Variants in SH3RF3 observed in about 807,000 individuals in gnomAD.
The protein encoded by SH3RF3 is SH3 domain containing ring finger 3.
SH3RF3 carries 29 observed loss-of-function variants against 66.3 expected under a neutral mutation model. The observed-to-expected ratio is 0.44, with a 90% confidence interval of 0.33 to 0.60. The LOEUF is 0.60. SH3RF3 is among the 20% of genes least tolerant of loss of function. SH3RF3 has a pLI of 0.04. For synonymous variants in SH3RF3, 583 were observed against 532.0 expected, an observed-to-expected ratio of 1.10 and a Z score of -1.32; for missense variants, 1,194 against 1,190.9, an observed-to-expected ratio of 1.00 and a Z score of -0.04.
intron 1 of SH3RF3, among the ~76,000 whole-genome samples, chr2:109,232,881 G>A (rs1266504095): frequency 6.6e-6 from 1 of 152,076 alleles, no homozygotes; most frequent in African/African-American, 2.4e-5. Flanking sequence ...ACACTTTTTG[G>A]TTTACAGTTC....
intron 4 of SH3RF3, among the ~76,000 whole-genome samples, chr2:109,416,020 G>A (rs1182537530): frequency 1.3e-5 from 2 of 152,164 alleles, no homozygotes; most frequent in East Asian, 1.9e-4. Context: ...CTCGTCATGT[G>A]ATGCTCTGCA....
intron 1 of SH3RF3, among the ~76,000 whole-genome samples, chr2:109,160,754 G>A (rs1388381378): frequency 1.3e-5 from 2 of 152,194 alleles, no homozygotes; most frequent in African/African-American, 4.8e-5. Flanking sequence ...GGAAGGGTTT[G>A]GGGACTGGCT....
At chr2:109,263,460 G>A (rs1455402073) in intron 1 of SH3RF3, among the ~76,000 whole-genome samples, 1 of 152,220 alleles carries the variant, frequency 6.6e-6, no homozygotes, top group Non-Finnish European at 1.5e-5. Context: ...TAATGAAATA[G>A]TAGCTAGAAT....
chr2:109,484,520 A>AT (rs1363004791), intron 8 of SH3RF3, among the ~76,000 whole-genome samples: 2 of 151,834 alleles, frequency 1.3e-5, no homozygotes, highest in African/African-American at 4.8e-5. Flanking sequence ...CATTATCCCT[A>AT]TATCAGCCCA....
In SH3RF3 at chr2:109,129,976, G is replaced by T. The variant is rs1379060178; in HGVS notation, c.436G>T (p.Ala146Ser). Residue 146 changes from alanine (A) to serine (S), a missense_variant, in exon 1 of 10, where the codon GCC (alanine) becomes TCC (serine). Ala to Ser is a moderately conservative substitution (Grantham distance 99). Transcript: ENST00000309415. ...PARPIPGQSA[A>S]PTLAGGGGGA... ...GCGTCCCATCCCAGGCCAGAGTGCG[G>T]CCCCCACGCTCGCGGGCGGCGGGGG... 2 of 1,323,208 alleles carry T rather than the reference G, an allele frequency of 1.5e-6. No homozygotes were observed. The highest frequency in any genetic ancestry group is 4.1e-5 in the Admixed American group (1 of 24,674). The allele number at this position is 1,323,208 out of a possible 1,614,324, so 82.0% of individuals were successfully genotyped here. A position where few individuals can be genotyped will look rare whatever the true frequency, so the allele number is the denominator to read the frequency against.
chr2:109,162,750 G>A (rs914590441), intron 1 of SH3RF3, among the ~76,000 whole-genome samples: 2 of 152,202 alleles, frequency 1.3e-5, no homozygotes, highest in Non-Finnish European at 2.9e-5. Context: ...CCAATAATGG[G>A]ATGGCTGGGT....
chr2:109,207,238 C>T (rs1678861983), intron 1 of SH3RF3, among the ~76,000 whole-genome samples: 1 of 152,170 alleles, frequency 6.6e-6, no homozygotes, highest in Admixed American at 6.5e-5. Context: ...TTATGAGTTA[C>T]AATTATTATT....
intron 1 of SH3RF3, among the ~76,000 whole-genome samples, chr2:109,268,432 C>T (rs1424940295): frequency 1.3e-5 from 2 of 152,102 alleles, no homozygotes; most frequent in East Asian, 3.9e-4. Flanking sequence ...CTCTCCCATC[C>T]TGTCCTGTCC....
chr2:109,251,774 CAAAA>C (rs1371278188), intron 1 of SH3RF3: 3 of 525,910 alleles, frequency 5.7e-6, no homozygotes, highest in Admixed American at 3.2e-5. Flanking sequence ...TTGTAATAGT[CAAAA>C]AAAGAATTAG....
intron 8 of SH3RF3, among the ~76,000 whole-genome samples, chr2:109,485,346 GTAT>G (rs1678942302): frequency 6.6e-6 from 1 of 152,220 alleles, no homozygotes; most frequent in Non-Finnish European, 1.5e-5. Flanking sequence ...GAAATGACTT[GTAT>G]CTCTGTTTAA....
intron 8 of SH3RF3, among the ~76,000 whole-genome samples, chr2:109,453,750 G>A (rs1019193882): frequency 6.6e-6 from 1 of 152,246 alleles, no homozygotes; most frequent in Non-Finnish European, 1.5e-5. Flanking sequence ...GTAAACAGGC[G>A]ATTGATTGCA....
At chr2:109,200,662 T>C (rs1381163465) in intron 1 of SH3RF3, among the ~76,000 whole-genome samples, 1 of 152,178 alleles carries the variant, frequency 6.6e-6, no homozygotes, top group African/African-American at 2.4e-5. Context: ...CTGGCCAAGC[T>C]GGAGGCCTCT....
rs541726375 is a variant in SH3RF3, at chr2:109,151,590, T to C, written c.573+21477T>C. 6.6e-4 allele frequency among the ~76,000 whole-genome samples: 100 copies of C among 152,358 alleles called. 1 individual carries two copies. The Middle Eastern group carries it at 0.024, about 36-fold the overall frequency. On this transcript the variant is annotated intron_variant, in intron 1 of 9. Transcript: ENST00000309415. ...GGCATGTAGTTACTATGAAAACTTATTAATTTGCATCCTTTCATCCATGCT... is the reference window on the plus strand; with the variant it reads ...GGCATGTAGTTACTATGAAAACTTACTAATTTGCATCCTTTCATCCATGCT...
chr2:109,247,348 C>T (rs534400853), intron 1 of SH3RF3, among the ~76,000 whole-genome samples: 1 of 152,174 alleles, frequency 6.6e-6, no homozygotes. Flanking sequence ...CCCTGAACTT[C>T]GTTAGTTTCT....
chr2:109,325,331 CTTTTTTTTTTTTT>C (rs11298946), intron 1 of SH3RF3, among the ~76,000 whole-genome samples: 5 of 66,272 alleles, frequency 7.5e-5, no homozygotes, highest in Middle Eastern at 0.012. Context: ...TTCTTTCTTT[CTTTTTTTTTTTTT>C]TTTTTTTTTT....
chr2:109,207,055 C>T (rs577389860), intron 1 of SH3RF3, among the ~76,000 whole-genome samples: 183 of 152,220 alleles, frequency 1.2e-3, no homozygotes, highest in South Asian at 5.8e-3. Context: ...TGACCATGCT[C>T]ATTTGGAGGA....
chr2:109,386,143 G>A (rs1242285581), intron 3 of SH3RF3, among the ~76,000 whole-genome samples: 1 of 152,216 alleles, frequency 6.6e-6, no homozygotes, highest in Non-Finnish European at 1.5e-5. Flanking sequence ...AGAGGGTCAA[G>A]GCTGCAAAGC....
intron 1 of SH3RF3, among the ~76,000 whole-genome samples, chr2:109,155,158 T>G: frequency 6.6e-6 from 1 of 152,202 alleles, no homozygotes; most frequent in South Asian, 2.1e-4. Context: ...TTCGGTGGTG[T>G]TCGGCATTTT....
chr2:109,253,612 G>A (rs560193754), intron 1 of SH3RF3, among the ~76,000 whole-genome samples: 8 of 152,186 alleles, frequency 5.3e-5, no homozygotes, highest in East Asian at 1.9e-4. Context: ...ACAGTCTTTC[G>A]GTTTAGCCTG....
Sources: allele counts gnomAD v4.1 joint callset (sites outside exome capture counted in the v4.1 genomes callset), GRCh38; gene constraint gnomAD v4.1.1; transcripts MANE v1.5; gene names NCBI Gene and HGNC (gene_info 2026-07-23, HGNC 2026-07-21).